The following EYA3 variants were observed in gnomAD, a reference collection of about 807,000 sequenced individuals.
EYA3 encodes protein phosphatase EYA3.
A neutral mutation model predicts 80.0 loss-of-function variants in EYA3; 39 were observed. The observed-to-expected ratio is 0.49, with a 90% CI of 0.38 to 0.64. The LOEUF (loss-of-function observed/expected upper bound fraction) is 0.64, where lower values mean the gene tolerates loss of function less well. EYA3 is among the 30% of genes least tolerant of loss of function. The pLI, the probability that EYA3 is intolerant of heterozygous loss-of-function variation, is 0.00. For missense variants in EYA3, 523 were observed against 676.1 expected, an observed-to-expected ratio of 0.77 and a Z score of 2.51; for synonymous variants, 206 against 232.8, an observed-to-expected ratio of 0.88 and a Z score of 1.05.
intron 1 of EYA3, among the ~76,000 whole-genome samples, chr1:28,063,517 T>C (rs1644720029): frequency 6.6e-6 from 1 of 151,888 alleles, no homozygotes. Flanking sequence ...CCACCACACC[T>C]GGTTAATTTT....
intron 12 of EYA3, chr1:27,998,278 A>T: frequency 1.0e-6 from 1 of 982,886 alleles, no homozygotes; most frequent in South Asian, 4.7e-5. Flanking sequence ...GTTGAGAAGC[A>T]CTGACCTGGG....
chr1:28,008,336 T>G (rs1161586800), intron 10 of EYA3, among the ~76,000 whole-genome samples: 1 of 151,410 alleles, frequency 6.6e-6, no homozygotes, highest in Non-Finnish European at 1.5e-5. Context: ...GATGAAAATC[T>G]CAGAAAAAAT....
intron 10 of EYA3, among the ~76,000 whole-genome samples, chr1:28,010,524 G>A (rs966409323): frequency 1.3e-5 from 2 of 152,086 alleles, no homozygotes; most frequent in African/African-American, 4.8e-5. Flanking sequence ...CCAAGTAGGT[G>A]GGACTACAGG....
At chr1:28,027,214 A>G (rs1642840995) in intron 7 of EYA3, among the ~76,000 whole-genome samples, 1 of 152,212 alleles carries the variant, frequency 6.6e-6, no homozygotes, top group South Asian at 2.1e-4. Flanking sequence ...TTCTTTCCTA[A>G]TAGTCCTGTC....
At chr1:28,074,282 A>G (rs1465904096) in intron 1 of EYA3, among the ~76,000 whole-genome samples, 1 of 152,194 alleles carries the variant, frequency 6.6e-6, no homozygotes, top group Admixed American at 6.6e-5. Flanking sequence ...CTAGAGGTAG[A>G]ACTATACAAC....
chr1:28,059,675 C>A (rs567505642), intron 1 of EYA3, among the ~76,000 whole-genome samples: 2 of 149,884 alleles, frequency 1.3e-5, no homozygotes, highest in South Asian at 4.2e-4. Context: ...AGGACCACAT[C>A]ATTAGAGAAA....
chr1:27,989,612 C>T, intron 15 of EYA3, 85 bp downstream of exon 15: 1 of 834,536 alleles, frequency 1.2e-6, no homozygotes. Context: ...TATCCCAAAC[C>T]CTATTTTAGA....
At chr1:28,063,461 AT>A (rs1644717719) in intron 1 of EYA3, among the ~76,000 whole-genome samples, 1 of 149,652 alleles carries the variant, frequency 6.7e-6, no homozygotes, top group Non-Finnish European at 1.5e-5. Flanking sequence ...AGTTTAAGCA[AT>A]TCTCATGCCT....
chr1:28,010,159 A>G (rs1641588493), intron 10 of EYA3, among the ~76,000 whole-genome samples: 1 of 152,208 alleles, frequency 6.6e-6, no homozygotes, highest in Non-Finnish European at 1.5e-5. Context: ...AGTACATAAT[A>G]GCACTATAGA....
intron 2 of EYA3, among the ~76,000 whole-genome samples, chr1:28,051,671 G>C (rs893120402): frequency 6.6e-5 from 10 of 151,870 alleles, no homozygotes; most frequent in Non-Finnish European, 1.2e-4. Context: ...TGGGTGACAA[G>C]GCAAGACTCT....
chr1:28,075,917 T>G (rs1225362776), intron 1 of EYA3, among the ~76,000 whole-genome samples: 1 of 152,164 alleles, frequency 6.6e-6, no homozygotes, highest in African/African-American at 2.4e-5. Flanking sequence ...TAAAAAAATA[T>G]CTAACATACT....
intron 1 of EYA3, among the ~76,000 whole-genome samples, chr1:28,075,825 A>G (rs781498261): frequency 9.2e-5 from 14 of 152,096 alleles, no homozygotes; most frequent in African/African-American, 1.4e-4. Flanking sequence ...TTTTCCAACA[A>G]TTTGGTCTCA....
rs1638802002 is a variant in EYA3, at chr1:27,973,348, G to C, written c.*1118C>G. 1 of 152,302 alleles carries C rather than the reference G, an allele frequency of 6.6e-6. No homozygotes were observed. The highest frequency in any genetic ancestry group is 6.5e-5 in the Admixed American group (1 of 15,274). The allele number at this position is 152,302 out of a possible 1,614,324, so 9.4% of individuals were successfully genotyped here. A position where few individuals can be genotyped will look rare whatever the true frequency, so the allele number is the denominator to read the frequency against. On this transcript the variant is annotated 3_prime_UTR_variant, in exon 18 of 18. Coordinates refer to ENST00000373871, the MANE Select transcript of EYA3 (RefSeq NM_001990.4). ...TGCCTGGAGGTGGACATGAGGTGCA[G>C]AGGGCAGGAAAGGGGTAAGAACCTA...
In EYA3 at chr1:27,978,446, C is replaced by T. The variant is rs753260226; in HGVS notation, c.1569G>A (p.Val523=). Residue 523 remains valine (V), a synonymous_variant, in exon 17 of 18, where the codon GTG becomes GTA. Transcript: ENST00000373871. The stretch of plus-strand genomic sequence containing the variant: ...ATGTGACTTTCTTTCCAAACCTTGA[C>T]ACAATTCTCTCAAAGCAGCTCTCCT... The part of the protein sequence containing the change: ...IGKESCFERI[V]SRFGKKVTYV... The T allele has an allele frequency of 6.2e-7, 1 of 1,614,060 alleles. No homozygotes were observed. The highest frequency in any genetic ancestry group is 8.5e-7 in the Non-Finnish European group (1 of 1,179,982).
At chr1:28,030,366 C>T (rs1643066999) in intron 6 of EYA3, among the ~76,000 whole-genome samples, 1 of 152,154 alleles carries the variant, frequency 6.6e-6, no homozygotes. Flanking sequence ...AATCATAGCT[C>T]ACTGCAGCCT....
At position 27,999,071 on chromosome 1, in the gene EYA3, T is replaced by C. The variant is rs546315000; in HGVS notation, c.1083+889A>G. Among the ~76,000 whole-genome samples the C allele has an allele frequency of 2.6e-5, 4 of 152,338 alleles. No individual in the cohort carries two copies. The South Asian group carries it at 6.2e-4, about 24-fold the overall frequency. On this transcript the variant is annotated intron_variant, in intron 12 of 17. Coordinates refer to ENST00000373871, the MANE Select transcript of EYA3 (RefSeq NM_001990.4). ...GGCATGAGCCACCACGCCCAGCCTATAAAATCCTATATTACTTTACTTTAA... is the reference window on the plus strand; with the variant it reads ...GGCATGAGCCACCACGCCCAGCCTACAAAATCCTATATTACTTTACTTTAA...
In EYA3 at chr1:28,033,025, C is replaced by T. The variant is rs376673046; in HGVS notation, c.361+2519G>A. Among the ~76,000 whole-genome samples the T allele has an allele frequency of 8.1e-4, 124 of 152,184 alleles. 4 individuals carry two copies. In the South Asian group the frequency reaches 0.025, roughly 31 times the overall value. On this transcript the variant is annotated intron_variant, in intron 6 of 17. Transcript: ENST00000373871. ...GGGCTGTTCTGAGGATTACATGAGACAATACTATACAGCGTGAAATACTTA... is the reference window on the plus strand; with the variant it reads ...GGGCTGTTCTGAGGATTACATGAGATAATACTATACAGCGTGAAATACTTA...
chr1:28,038,439 TAAAAAAAAAA>T (rs74525723), intron 5 of EYA3, among the ~76,000 whole-genome samples: 2 of 68,480 alleles, frequency 2.9e-5, no homozygotes, highest in African/African-American at 1.1e-4. Context: ...GATTCTATCT[TAAAAAAAAAA>T]AAAAAAAAAA....
chr1:28,066,006 CAAAAAAA>C (rs1034812456), intron 1 of EYA3, among the ~76,000 whole-genome samples: 3 of 124,972 alleles, frequency 2.4e-5, no homozygotes. Context: ...AACTCTGTCT[CAAAAAAA>C]AAAAACAAAA....
Sources: gnomAD v4.1 joint callset for allele counts (sites outside exome capture counted in the v4.1 genomes callset) on GRCh38, gnomAD v4.1.1 for gene constraint, MANE v1.5 for transcripts, NCBI Gene and HGNC (gene_info 2026-07-23, HGNC 2026-07-21) for gene names.